LRRC37A2: variants seen among roughly 807,000 people sequenced by gnomAD.
LRRC37A2 encodes the protein leucine rich repeat containing 37 member A2.
In LRRC37A2, 9 loss-of-function variants were observed where a neutral mutation model predicts 68.8. That is an observed-to-expected ratio of 0.13 (90% confidence interval 0.08 to 0.23). The LOEUF is 0.23. LRRC37A2 is among the 10% of genes least tolerant of loss of function. LRRC37A2 has a pLI of 1.00. For missense variants in LRRC37A2, 168 were observed against 950.4 expected, an observed-to-expected ratio of 0.18 and a Z score of 10.82; for synonymous variants, 63 against 367.6, an observed-to-expected ratio of 0.17 and a Z score of 9.48.
At chr17:46,722,250 TAA>T in the LRRC37A2 span, 1 of 1,144,328 alleles carries the variant, frequency 8.7e-7, no homozygotes, top group Non-Finnish European at 1.3e-6. Flanking sequence ...CCTACATTCT[TAA>T]GATTAATTTT....
chr17:46,985,292 A>G, the LRRC37A2 span, among the ~76,000 whole-genome samples: 2 of 152,140 alleles, frequency 1.3e-5, no homozygotes, highest in Non-Finnish European at 2.9e-5. Flanking sequence ...AGGCTGAGGC[A>G]GGTGGATCAT....
At chr17:47,027,874 G>A in the LRRC37A2 span, among the ~76,000 whole-genome samples, 2 of 152,248 alleles carry the variant, frequency 1.3e-5, no homozygotes, top group South Asian at 2.1e-4. Context: ...GGTAATGTCC[G>A]GAGACAGTTT....
chr17:46,962,098 C>T, the LRRC37A2 span, among the ~76,000 whole-genome samples: 2 of 152,106 alleles, frequency 1.3e-5, no homozygotes, highest in African/African-American at 4.8e-5. Context: ...TTGGCCGAGG[C>T]GGGCAGATCA....
chr17:46,800,848 G>T, the LRRC37A2 span, among the ~76,000 whole-genome samples: 1 of 152,208 alleles, frequency 6.6e-6, no homozygotes, highest in African/African-American at 2.4e-5. Context: ...TGGGGCCGCG[G>T]TGCTGAGGGA....
the LRRC37A2 span, among the ~76,000 whole-genome samples, chr17:46,707,131 G>C: frequency 6.6e-6 from 1 of 152,130 alleles, no homozygotes; most frequent in African/African-American, 2.4e-5. Context: ...GATTACAGGC[G>C]TGAGCCACTG....
chr17:46,822,620 C>A, the LRRC37A2 span, among the ~76,000 whole-genome samples: 114 of 152,346 alleles, frequency 7.5e-4, no homozygotes, highest in East Asian at 1.4e-3. Context: ...TGGTGAGCAG[C>A]CCGGATTTCG....
the LRRC37A2 span, among the ~76,000 whole-genome samples, chr17:46,969,750 G>C: frequency 6.6e-6 from 1 of 152,174 alleles, no homozygotes; most frequent in Non-Finnish European, 1.5e-5. Context: ...CAGTGAGATG[G>C]GTCCCCCTCT....
At chr17:46,957,326 AC>A in the LRRC37A2 span, among the ~76,000 whole-genome samples, 3 of 151,722 alleles carry the variant, frequency 2.0e-5, no homozygotes, top group Non-Finnish European at 4.4e-5. Flanking sequence ...AAAAAAAGAA[AC>A]CCAGGCTAAG....
chr17:46,820,482 G>C, the LRRC37A2 span, among the ~76,000 whole-genome samples: 1 of 152,102 alleles, frequency 6.6e-6, no homozygotes, highest in African/African-American at 2.4e-5. Flanking sequence ...AAAGGGGCAG[G>C]GGGGAGGCGG....
At chr17:46,866,378 G>A in the LRRC37A2 span, among the ~76,000 whole-genome samples, 113 of 152,054 alleles carry the variant, frequency 7.4e-4, no homozygotes, top group African/African-American at 2.0e-3. Context: ...GTGTATGTGC[G>A]TGAGAATGTG....
At chr17:46,496,607 G>GGAAAAAA in the LRRC37A2 span, among the ~76,000 whole-genome samples, 1 of 44,290 alleles carries the variant, frequency 2.3e-5, no homozygotes. Flanking sequence ...CATCTCAAAA[G>GGAAAAAA]AAAAAAAAAA....
the LRRC37A2 span, among the ~76,000 whole-genome samples, chr17:46,834,508 C>T: frequency 6.6e-6 from 1 of 152,164 alleles, no homozygotes; most frequent in African/African-American, 2.4e-5. Flanking sequence ...GTACGGAGCT[C>T]CTTGAGTGGA....
the LRRC37A2 span, chr17:46,955,811 T>C: frequency 6.6e-6 from 1 of 152,264 alleles, no homozygotes; most frequent in South Asian, 2.1e-4. Flanking sequence ...AGCATAGTTG[T>C]GTGTGTGTCT....
the LRRC37A2 span, among the ~76,000 whole-genome samples, chr17:46,755,105 C>T: frequency 6.6e-6 from 1 of 152,270 alleles, no homozygotes; most frequent in Non-Finnish European, 1.5e-5. Flanking sequence ...ACCCAGTGTA[C>T]ATAGTTCTGG....
At chr17:46,392,421 CTTTCTT>C in the LRRC37A2 span, among the ~76,000 whole-genome samples, 54 of 57,438 alleles carry the variant, frequency 9.4e-4, 4 homozygotes, top group Non-Finnish European at 1.6e-3. Flanking sequence ...CTCTCTCTCT[CTTTCTT>C]TCTCTCTTTC....
At chr17:46,993,746 G>T in the LRRC37A2 span, among the ~76,000 whole-genome samples, 1 of 152,202 alleles carries the variant, frequency 6.6e-6, no homozygotes, top group East Asian at 1.9e-4. Context: ...TCGTGGGGCT[G>T]CTCACTCTTA....
chr17:47,048,268 C>T, the LRRC37A2 span, among the ~76,000 whole-genome samples: 1 of 151,510 alleles, frequency 6.6e-6, no homozygotes, highest in African/African-American at 2.4e-5. Context: ...CCCTCACCAC[C>T]ACCCAAAATA....
the LRRC37A2 span, among the ~76,000 whole-genome samples, chr17:46,392,213 C>CTTTTTTTT: frequency 1.7e-5 from 1 of 59,412 alleles, no homozygotes; most frequent in Non-Finnish European, 3.8e-5. Context: ...TTTCTTTTTT[C>CTTTTTTTT]TTTTTTTTTT....
At chr17:46,849,669 T>G in the LRRC37A2 span, among the ~76,000 whole-genome samples, 2 of 152,124 alleles carry the variant, frequency 1.3e-5, no homozygotes, top group Non-Finnish European at 2.9e-5. Flanking sequence ...GATGCCACAT[T>G]GGTGGCATGA....
Sources: gnomAD v4.1 joint callset for allele counts (sites outside exome capture counted in the v4.1 genomes callset) on GRCh38, gnomAD v4.1.1 for gene constraint, MANE v1.5 for transcripts, NCBI Gene and HGNC (gene_info 2026-07-23, HGNC 2026-07-21) for gene names.